SMIM36: variants seen among roughly 807,000 people sequenced by gnomAD.
SMIM36 encodes the protein small integral membrane protein 36.
At chr17:55,509,590 C>G (rs188393917) in intron 1 of SMIM36, among the ~76,000 whole-genome samples, 2 of 152,284 alleles carry the variant, frequency 1.3e-5, no homozygotes, top group East Asian at 3.9e-4. Context: ...CTTTCATTGT[C>G]TAAGTCATGC....
chr17:55,496,076 C>G (rs972285911), intron 1 of SMIM36, among the ~76,000 whole-genome samples: 7 of 152,188 alleles, frequency 4.6e-5, no homozygotes, highest in African/African-American at 1.7e-4. Flanking sequence ...AACAACTTTT[C>G]ACAGATACAT....
intron 3 of SMIM36, among the ~76,000 whole-genome samples, chr17:55,473,593 G>A (rs985838809): frequency 6.6e-6 from 1 of 152,154 alleles, no homozygotes; most frequent in Middle Eastern, 3.4e-3. Context: ...TCAATCCTCA[G>A]GAAAGGTAGA....
At chr17:55,478,992 T>C (rs1232997748) in intron 2 of SMIM36, among the ~76,000 whole-genome samples, 179 bp from the exon 3 acceptor site, 1 of 152,294 alleles carries the variant, frequency 6.6e-6, no homozygotes, top group African/African-American at 2.4e-5. Flanking sequence ...CTGTGGTTTC[T>C]TGTGAGCTCC....
chr17:55,521,236 A>G, the SMIM36 span, among the ~76,000 whole-genome samples: 1 of 152,208 alleles, frequency 6.6e-6, no homozygotes, highest in South Asian at 2.1e-4. Context: ...AATAAGGAAA[A>G]CAAAAATGAC....
intron 1 of SMIM36, among the ~76,000 whole-genome samples, chr17:55,496,720 A>G (rs1020182003): frequency 1.3e-5 from 2 of 152,178 alleles, no homozygotes; most frequent in Non-Finnish European, 2.9e-5. Context: ...TGCATTCCCC[A>G]AAAGTGATGG....
At chr17:55,501,333 A>ATT (rs1491278758) in intron 1 of SMIM36, among the ~76,000 whole-genome samples, 1 of 54,148 alleles carries the variant, frequency 1.8e-5, no homozygotes, top group Non-Finnish European at 3.5e-5. Flanking sequence ...TATAATATAT[A>ATT]ATATATTATA....
chr17:55,485,966 C>A (rs1004960376), intron 1 of SMIM36, among the ~76,000 whole-genome samples: 2 of 151,064 alleles, frequency 1.3e-5, no homozygotes, highest in Non-Finnish European at 2.9e-5. Flanking sequence ...AGTATTAATT[C>A]TTATGTGACA....
At chr17:55,519,923 C>G in the SMIM36 span, among the ~76,000 whole-genome samples, 7 of 152,242 alleles carry the variant, frequency 4.6e-5, no homozygotes, top group East Asian at 1.4e-3. Flanking sequence ...TGTGGTTGCT[C>G]TAACAAATTT....
chr17:55,501,328 T>C (rs1419764929), intron 1 of SMIM36, among the ~76,000 whole-genome samples: 1 of 84,564 alleles, frequency 1.2e-5, no homozygotes, highest in Non-Finnish European at 2.1e-5. Context: ...TATTTTATAA[T>C]ATATAATATA....
intron 4 of SMIM36, among the ~76,000 whole-genome samples, chr17:55,464,008 G>GA (rs1162764745): frequency 3.9e-5 from 6 of 151,900 alleles, no homozygotes; most frequent in African/African-American, 1.5e-4. Context: ...CTAGCTACTC[G>GA]AGAGGCTGAG....
intron 3 of SMIM36, among the ~76,000 whole-genome samples, chr17:55,477,694 G>A (rs1362310619): frequency 6.6e-6 from 1 of 151,920 alleles, no homozygotes; most frequent in Non-Finnish European, 1.5e-5. Context: ...ATATGATCTT[G>A]GTCAAGTTAT....
intron 3 of SMIM36, among the ~76,000 whole-genome samples, chr17:55,469,120 C>T (rs1909296100): frequency 6.6e-6 from 1 of 152,036 alleles, no homozygotes; most frequent in Non-Finnish European, 1.5e-5. Context: ...ACAAATCTGA[C>T]CTCTCCCCTC....
upstream of SMIM36, among the ~76,000 whole-genome samples, chr17:55,514,246 A>G (rs1187738676): frequency 6.6e-6 from 1 of 152,192 alleles, no homozygotes; most frequent in Non-Finnish European, 1.5e-5. Context: ...ACTTGGCAAT[A>G]GGCAAACTGG....
At chr17:55,486,535 G>C (rs1183666847) in intron 1 of SMIM36, among the ~76,000 whole-genome samples, 2 of 152,116 alleles carry the variant, frequency 1.3e-5, no homozygotes, top group Non-Finnish European at 2.9e-5. Flanking sequence ...AGCTCCACAT[G>C]CCCATTTCAC....
At chr17:55,464,934 G>A (rs1172762802) in intron 4 of SMIM36, among the ~76,000 whole-genome samples, 2 of 152,138 alleles carry the variant, frequency 1.3e-5, no homozygotes, top group African/African-American at 4.8e-5. Context: ...ATAGGCAATT[G>A]ATAAAATGGA....
At chr17:55,518,036 ATG>A in the SMIM36 span, among the ~76,000 whole-genome samples, 1 of 152,178 alleles carries the variant, frequency 6.6e-6, no homozygotes, top group Non-Finnish European at 1.5e-5. Context: ...AGGGAGAAGT[ATG>A]TATCTTAGTC....
chr17:55,463,655 G>A (rs918276493), intron 4 of SMIM36, among the ~76,000 whole-genome samples: 20 of 152,170 alleles, frequency 1.3e-4, no homozygotes, highest in Admixed American at 2.0e-4. Flanking sequence ...TACAGTTAAA[G>A]GGTAGACAAA....
intron 1 of SMIM36, among the ~76,000 whole-genome samples, chr17:55,480,998 A>C (rs1909509825): frequency 6.6e-6 from 1 of 152,198 alleles, no homozygotes; most frequent in African/African-American, 2.4e-5. Flanking sequence ...AGGGAAAAAT[A>C]CATTTATGTG....
intron 1 of SMIM36, among the ~76,000 whole-genome samples, chr17:55,501,551 A>G (rs904876103): frequency 4.9e-4 from 60 of 121,970 alleles, no homozygotes; most frequent in Non-Finnish European, 7.3e-4. Context: ...ACAATATTAT[A>G]TATATCATTA....
Sources: gnomAD v4.1 joint callset for allele counts (sites outside exome capture counted in the v4.1 genomes callset) on GRCh38, gnomAD v4.1.1 for gene constraint, MANE v1.5 for transcripts, NCBI Gene and HGNC (gene_info 2026-07-23, HGNC 2026-07-21) for gene names.